AGBL1: variants seen among roughly 807,000 people sequenced by gnomAD.
The protein encoded by AGBL1 is cytosolic carboxypeptidase 4.
AGBL1 carries 130 observed loss-of-function variants against 118.9 expected under a neutral mutation model. The ratio of observed to expected loss-of-function variants is 1.09; its 90% CI spans 0.95 to 1.26. AGBL1 has a LOEUF of 1.26. Ranked by LOEUF, AGBL1 falls within the 50% of genes most tolerant of loss-of-function variation. The probability of loss-of-function intolerance (pLI) is 0.00; values close to 1 mark genes in which losing one functional copy is unlikely to be tolerated. For missense variants in AGBL1, 1,584 were observed against 1,298.1 expected (o/e 1.22, Z -3.38); for synonymous variants, 555 against 478.9 (o/e 1.16, Z -2.08).
intron 22 of AGBL1, among the ~76,000 whole-genome samples, chr15:86,699,325 C>A (rs977099488): frequency 1.3e-5 from 2 of 151,834 alleles, no homozygotes; most frequent in African/African-American, 4.8e-5. Flanking sequence ...AATATATATT[C>A]CTGCCTACCA....
chr15:86,128,156 A>T (rs984628195), intron 1 of AGBL1, among the ~76,000 whole-genome samples: 1 of 152,174 alleles, frequency 6.6e-6, no homozygotes, highest in Non-Finnish European at 1.5e-5. Flanking sequence ...TGGGTAATTT[A>T]TAAAGGAAAG....
chr15:86,750,507 A>C (rs2077833633), intron 22 of AGBL1, among the ~76,000 whole-genome samples: 1 of 151,612 alleles, frequency 6.6e-6, no homozygotes, highest in East Asian at 1.9e-4. Flanking sequence ...AAGCAATTGT[A>C]GTTGTTTGTT....
chr15:86,110,109 A>G (rs1044682497), intron 1 of AGBL1, among the ~76,000 whole-genome samples: 14 of 152,226 alleles, frequency 9.2e-5, no homozygotes, highest in African/African-American at 3.4e-4. Context: ...CATGCAAGTG[A>G]GGGACTCCAA....
chr15:86,212,573 C>T (rs1177434099), intron 5 of AGBL1, among the ~76,000 whole-genome samples: 1 of 152,204 alleles, frequency 6.6e-6, no homozygotes, highest in African/African-American at 2.4e-5. Flanking sequence ...GCCTGGAGTT[C>T]TCTGAGAGAT....
intron 6 of AGBL1, among the ~76,000 whole-genome samples, chr15:86,232,801 C>G (rs925479652): frequency 6.6e-6 from 1 of 152,130 alleles, no homozygotes; most frequent in Non-Finnish European, 1.5e-5. Flanking sequence ...AAGGACAATG[C>G]CCTCCTGCCT....
At chr15:86,083,408 C>T (rs1895423775) in intron 1 of AGBL1, 1 of 152,320 alleles carries the variant, frequency 6.6e-6, no homozygotes, top group Middle Eastern at 3.4e-3. Context: ...CTTTGGCACA[C>T]TCTGCACTGT....
intron 21 of AGBL1, among the ~76,000 whole-genome samples, chr15:86,555,813 T>C (rs1048803933): frequency 6.6e-6 from 1 of 152,188 alleles, no homozygotes; most frequent in Admixed American, 6.5e-5. Flanking sequence ...CAAGGTTTTG[T>C]AGGGACTAAA....
intron 18 of AGBL1, among the ~76,000 whole-genome samples, chr15:86,434,248 C>T (rs2081973928): frequency 6.6e-6 from 1 of 152,168 alleles, no homozygotes; most frequent in South Asian, 2.1e-4. Context: ...TTCCTTTGAC[C>T]TTTATTCTCA....
intron 18 of AGBL1, among the ~76,000 whole-genome samples, chr15:86,431,596 T>C (rs2081936565): frequency 6.6e-6 from 1 of 152,246 alleles, no homozygotes; most frequent in Non-Finnish European, 1.5e-5. Flanking sequence ...TTCACACTAA[T>C]TAGTCTTGGT....
At chr15:86,119,701 G>A (rs907777648) in intron 1 of AGBL1, among the ~76,000 whole-genome samples, 17 of 151,434 alleles carry the variant, frequency 1.1e-4, no homozygotes, top group African/African-American at 3.6e-4. Context: ...GTATTTGCAC[G>A]TTTGTCTGTA....
At chr15:86,725,558 A>G (rs2086806879) in intron 22 of AGBL1, among the ~76,000 whole-genome samples, 1 of 152,216 alleles carries the variant, frequency 6.6e-6, no homozygotes, top group African/African-American at 2.4e-5. Flanking sequence ...GGCTTGAGAT[A>G]AATTCCTTTG....
At chr15:86,904,663 T>A (rs2080257857) in intron 22 of AGBL1, among the ~76,000 whole-genome samples, 1 of 148,860 alleles carries the variant, frequency 6.7e-6, no homozygotes, top group Non-Finnish European at 1.5e-5. Flanking sequence ...TTATTATATA[T>A]AAATATATTA....
chr15:86,262,346 C>T (rs747018764), intron 9 of AGBL1, among the ~76,000 whole-genome samples: 5 of 151,892 alleles, frequency 3.3e-5, no homozygotes, highest in African/African-American at 4.8e-5. Context: ...ACTTCAGTAC[C>T]GGGAAGAGTA....
chr15:86,278,811 G>A (rs1374166996), intron 15 of AGBL1, among the ~76,000 whole-genome samples: 28 of 152,312 alleles, frequency 1.8e-4, no homozygotes, highest in Non-Finnish European at 1.2e-4. Context: ...AGCGTGTGGG[G>A]AAAATATTGC....
At chr15:86,349,347 A>G (rs1023749879) in intron 17 of AGBL1, among the ~76,000 whole-genome samples, 2 of 152,234 alleles carry the variant, frequency 1.3e-5, no homozygotes, top group Non-Finnish European at 2.9e-5. Flanking sequence ...AAGGAATTAT[A>G]TGATCCATAA....
chr15:86,294,264 T>A (rs1214094339), intron 16 of AGBL1, among the ~76,000 whole-genome samples: 1 of 151,748 alleles, frequency 6.6e-6, no homozygotes, highest in Non-Finnish European at 1.5e-5. Flanking sequence ...CTGGGTGTGG[T>A]CGTGGGTGCC....
intron 22 of AGBL1, among the ~76,000 whole-genome samples, chr15:86,888,332 A>G (rs2080001407): frequency 6.6e-6 from 1 of 151,688 alleles, no homozygotes; most frequent in Non-Finnish European, 1.5e-5. Flanking sequence ...TGGAAACTAA[A>G]TATTCAGAAG....
At chr15:86,134,605 T>A (rs1452642123) in intron 1 of AGBL1, among the ~76,000 whole-genome samples, 2 of 22,390 alleles carry the variant, frequency 8.9e-5, no homozygotes, top group African/African-American at 1.6e-3. Flanking sequence ...CAATGGTGCC[T>A]TTTTTTTTTT....
chr15:86,411,983 C>T (rs779674654), intron 18 of AGBL1, among the ~76,000 whole-genome samples: 5 of 152,144 alleles, frequency 3.3e-5, no homozygotes, highest in Non-Finnish European at 5.9e-5. Context: ...AGCACCCACT[C>T]CTAGCTGACT....
Sources: allele counts gnomAD v4.1 joint callset (sites outside exome capture counted in the v4.1 genomes callset), GRCh38; gene constraint gnomAD v4.1.1; transcripts MANE v1.5; gene names NCBI Gene and HGNC (gene_info 2026-07-23, HGNC 2026-07-21).